KIF21A: variants seen among roughly 807,000 people sequenced by gnomAD.
KIF21A encodes the protein kinesin-like protein KIF21A.
In KIF21A, 114 loss-of-function variants were observed where a neutral mutation model predicts 202.9. The observed-to-expected ratio is 0.56, with a 90% CI of 0.48 to 0.66. The LOEUF is 0.66. Ranked by LOEUF, KIF21A falls within the 30% of genes least tolerant of loss-of-function variation. The pLI is 0.00. For missense variants in KIF21A, 1,677 were observed against 1,994.9 expected, an observed-to-expected ratio of 0.84 and a Z score of 3.04; for synonymous variants, 667 against 670.8, an observed-to-expected ratio of 0.99 and a Z score of 0.09.
At chr12:39,427,552 T>C (rs1379218626) in intron 1 of KIF21A, among the ~76,000 whole-genome samples, 1 of 152,240 alleles carries the variant, frequency 6.6e-6, no homozygotes, top group Non-Finnish European at 1.5e-5. Flanking sequence ...CAAAGTTCAT[T>C]TTAAAATATT....
intron 34 of KIF21A, 150 bp from the exon 35 acceptor site, chr12:39,305,088 G>A (rs904694308): frequency 3.7e-4 from 213 of 577,084 alleles, no homozygotes; most frequent in African/African-American, 3.6e-3. Context: ...ATCTTGGGCC[G>A]GGTGCAGCGG....
chr12:39,368,147 A>G (rs1209179517), intron 3 of KIF21A, 115 bp from the exon 4 acceptor site: 3 of 681,118 alleles, frequency 4.4e-6, no homozygotes, highest in Admixed American at 2.8e-5. Flanking sequence ...TCAAAATGAC[A>G]TATTTTTTCA....
At position 39,297,504 on chromosome 12, in the gene KIF21A, G is replaced by A. The variant is rs377191699; in HGVS notation, c.4932-2987C>T. ...TTGCAAGAACAAAAAACCAAACACC[G>A]CATATTCTCACTCATAGGTGGGAAG... On this transcript the variant is annotated intron_variant, in intron 37 of 37. Coordinates refer to ENST00000361418, the MANE Select transcript of KIF21A (RefSeq NM_001173464.2). 1.2e-4 allele frequency among the ~76,000 whole-genome samples: 18 copies of A among 145,604 alleles called. No homozygotes were observed. The East Asian group carries it at 2.5e-3, about 20-fold the overall frequency.
At chr12:39,300,912 C>T (rs1942899585) in intron 37 of KIF21A, among the ~76,000 whole-genome samples, 1 of 152,086 alleles carries the variant, frequency 6.6e-6, no homozygotes, top group Admixed American at 6.6e-5. Context: ...AATGTATTTT[C>T]CATTTCTTCT....
chr12:39,366,953 A>G (rs1949643257), intron 5 of KIF21A, 77 bp downstream of exon 5: 2 of 1,389,284 alleles, frequency 1.4e-6, no homozygotes, highest in African/African-American at 1.4e-5. Context: ...ATTTGGCTCA[A>G]ATATATTCTC....
intron 1 of KIF21A, among the ~76,000 whole-genome samples, chr12:39,410,492 A>G (rs2140039518): frequency 6.6e-6 from 1 of 152,332 alleles, no homozygotes; most frequent in Middle Eastern, 3.4e-3. Context: ...CATAATGTTA[A>G]CTCACTATTC....
chr12:39,396,978 A>G (rs962394355), intron 1 of KIF21A, among the ~76,000 whole-genome samples: 4 of 152,214 alleles, frequency 2.6e-5, no homozygotes, highest in Non-Finnish European at 4.4e-5. Flanking sequence ...ATAGTGTATG[A>G]TTTTATTTAT....
chr12:39,377,942 T>A (rs1181466589), intron 1 of KIF21A, among the ~76,000 whole-genome samples: 1 of 152,138 alleles, frequency 6.6e-6, no homozygotes, highest in East Asian at 1.9e-4. Flanking sequence ...CTCTATGTGG[T>A]CCACTGGACT....
chr12:39,431,686 T>C (rs1937931393), intron 1 of KIF21A, among the ~76,000 whole-genome samples: 1 of 152,110 alleles, frequency 6.6e-6, no homozygotes, highest in Non-Finnish European at 1.5e-5. Context: ...GAACACACAC[T>C]TGTGAAAAAT....
At chr12:39,305,280 C>G (rs553302720) in intron 34 of KIF21A, among the ~76,000 whole-genome samples, 1 of 148,988 alleles carries the variant, frequency 6.7e-6, no homozygotes, top group Non-Finnish European at 1.5e-5. Flanking sequence ...GCAGGAGAAT[C>G]GCTTGAATCT....
intron 20 of KIF21A, 65 bp from the exon 21 acceptor site, chr12:39,332,473 A>ACAAC: frequency 1.3e-6 from 1 of 787,554 alleles, no homozygotes; most frequent in Non-Finnish European, 2.0e-6. Context: ...GTACCATCAA[A>ACAAC]CCCCCCCACC....
chr12:39,324,885 C>T (rs1463278947), intron 26 of KIF21A, among the ~76,000 whole-genome samples: 2 of 152,154 alleles, frequency 1.3e-5, no homozygotes, highest in African/African-American at 2.4e-5. Context: ...TCCATTCATT[C>T]AACAATATTT....
Position 39,301,564 on chromosome 12 carries a change from A to G in KIF21A, c.4847T>C (p.Phe1616Ser), listed in dbSNP as rs893540223. Residue 1616 changes from phenylalanine (F) to serine (S), a missense_variant, in exon 37 of 38, where the codon TTT (phenylalanine) becomes TCT (serine). Coordinates refer to ENST00000361418, the MANE Select transcript of KIF21A (RefSeq NM_001173464.2). ...ACCCTTCATCTCTCCCACTGGCATA[A>G]AAGTATCCATGTTCCAGACTTTCAA... ...GILKVWNMDT[F>S]MPVGEMKGHD... The G allele has an allele frequency of 6.2e-7, 1 of 1,614,100 alleles. No homozygotes were observed.
In KIF21A at chr12:39,435,794, T is replaced by C. The variant is rs190280151; in HGVS notation, c.44+7133A>G. ...GGAGGAAGCAGGGAAGCCACATGTC[T>C]CAGGCCTGGAATTCACTAAAGAATT... On this transcript the variant is annotated intron_variant, in intron 1 of 37. Coordinates refer to ENST00000361418, the MANE Select transcript of KIF21A (RefSeq NM_001173464.2). 1.2e-3 allele frequency among the ~76,000 whole-genome samples: 183 copies of C among 152,236 alleles called. 3 individuals are homozygous for C. In the East Asian group the frequency reaches 0.029, roughly 24 times the overall value.
chr12:39,306,988 T>A (rs773470633), intron 34 of KIF21A, among the ~76,000 whole-genome samples: 3 of 152,140 alleles, frequency 2.0e-5, no homozygotes, highest in Admixed American at 6.6e-5. Flanking sequence ...AACACTCAAC[T>A]AAAGGAAAAG....
chr12:39,310,236 G>T (rs1239901836), intron 32 of KIF21A, among the ~76,000 whole-genome samples: 2 of 151,928 alleles, frequency 1.3e-5, no homozygotes, highest in African/African-American at 4.8e-5. Context: ...TATAATCACA[G>T]AACTATTCTT....
chr12:39,383,787 A>G (rs973632170), intron 1 of KIF21A, among the ~76,000 whole-genome samples: 3 of 152,194 alleles, frequency 2.0e-5, no homozygotes, highest in African/African-American at 7.2e-5. Flanking sequence ...TGACAGAATG[A>G]GACATCTCAA....
At position 39,363,190 on chromosome 12, in the gene KIF21A, A is replaced by G; in HGVS notation, c.927T>C (p.Ser309=). 1 of 1,612,416 alleles carries G rather than the reference A, an allele frequency of 6.2e-7. No individual in the cohort carries two copies. The highest frequency in any genetic ancestry group is 8.5e-7 in the Non-Finnish European group (1 of 1,178,768). ...CCCTCTTGCTCTTGTCTCCCAAGGC[A>G]CTTATTACATTGCCAAGTGCCAACT... ...CGLLALGNVI[S]ALGDKSKRAT... is the part of the protein sequence containing the mutation. The change falls in exon 7 of 38, where the codon AGT becomes AGC. Residue 309 remains serine (S), a synonymous_variant. Coordinates refer to ENST00000361418, the MANE Select transcript of KIF21A (RefSeq NM_001173464.2).
intron 1 of KIF21A, among the ~76,000 whole-genome samples, chr12:39,434,149 G>T (rs1177378405): frequency 6.6e-6 from 1 of 152,190 alleles, no homozygotes; most frequent in African/African-American, 2.4e-5. Context: ...AAGGTCAAGA[G>T]GCCTGCAGGC....
Sources: gnomAD v4.1 joint callset for allele counts (sites outside exome capture counted in the v4.1 genomes callset) on GRCh38, gnomAD v4.1.1 for gene constraint, MANE v1.5 for transcripts, NCBI Gene and HGNC (gene_info 2026-07-23, HGNC 2026-07-21) for gene names.